SHANK2: variants seen among roughly 807,000 people sequenced by gnomAD.
The protein encoded by SHANK2 is SH3 and multiple ankyrin repeat domains 2.
In SHANK2, 43 loss-of-function variants were observed where a neutral mutation model predicts 133.7. The observed-to-expected ratio is 0.32, with a 90% CI of 0.25 to 0.41. The LOEUF (loss-of-function observed/expected upper bound fraction) is 0.41, where lower values mean the gene tolerates loss of function less well. Ranked by LOEUF, SHANK2 falls within the 10% of genes least tolerant of loss-of-function variation. The pLI, the probability that SHANK2 is intolerant of heterozygous loss-of-function variation, is 1.00. For synonymous variants in SHANK2, 1,017 were observed against 952.8 expected (o/e 1.07, Z -1.24); for missense variants, 1,994 against 2,235.8 (o/e 0.89, Z 2.18).
chr11:70,494,286 C>A (rs531194819), intron 21 of SHANK2, among the ~76,000 whole-genome samples: 2 of 152,194 alleles, frequency 1.3e-5, no homozygotes, highest in South Asian at 4.1e-4. Flanking sequence ...CTGCCCCCAC[C>A]GGGCCAGAAC....
rs970715811 is a variant in SHANK2 at position 71,074,172 on chromosome 11, C to A, written c.1029+987G>T. On this transcript the variant is annotated intron_variant, in intron 9 of 25. Transcript: ENST00000601538. ...AGCAGGTGAGGATGACCTGAGATGCCCCCTGCAAGGCCTTCCCGGTGCCCC... is the reference window on the plus strand; with the variant it reads ...AGCAGGTGAGGATGACCTGAGATGCACCCTGCAAGGCCTTCCCGGTGCCCC... Among the ~76,000 whole-genome samples, 8 of 152,252 alleles carry A rather than the reference C, an allele frequency of 5.3e-5. No homozygotes were observed. The East Asian group carries it at 1.5e-3, about 29-fold the overall frequency.
intron 10 of SHANK2, among the ~76,000 whole-genome samples, chr11:70,913,807 G>T (rs1444295940): frequency 6.6e-6 from 1 of 152,158 alleles, no homozygotes; most frequent in Non-Finnish European, 1.5e-5. Flanking sequence ...TGGTGTCATT[G>T]CCGGATGGCC....
At position 71,094,871 on chromosome 11, in the gene SHANK2, C is replaced by T. The variant is rs376720755; in HGVS notation, c.593-183G>A. On this transcript the variant is annotated intron_variant, in intron 6 of 25. Coordinates refer to ENST00000601538, the MANE Select transcript of SHANK2 (RefSeq NM_012309.5). ...GCGGGCAGCGTGGCTCAGGCACCCC[C>T]GTGCGATGCAGTGACACGCAGGGCC... Among the ~76,000 whole-genome samples the T allele has an allele frequency of 7.2e-5, 11 of 152,250 alleles. No individual in the cohort carries two copies. In the South Asian group the frequency reaches 8.3e-4, roughly 11 times the overall value.
chr11:71,070,090 G>T (rs1418791369), intron 9 of SHANK2, among the ~76,000 whole-genome samples: 4 of 152,176 alleles, frequency 2.6e-5, no homozygotes, highest in African/African-American at 9.7e-5. Context: ...CAGGACAAAG[G>T]TAGGGGTTCT....
chr11:70,881,598 A>ATAATAG (rs1192299238), intron 11 of SHANK2, among the ~76,000 whole-genome samples: 10 of 148,460 alleles, frequency 6.7e-5, no homozygotes, highest in African/African-American at 2.5e-4. Flanking sequence ...AATAATAATA[A>ATAATAG]TAGTAAACTC....
At chr11:70,909,515 A>T (rs1325596962) in intron 10 of SHANK2, among the ~76,000 whole-genome samples, 6 of 152,046 alleles carry the variant, frequency 3.9e-5, no homozygotes, top group African/African-American at 1.4e-4. Flanking sequence ...TCTAAATTCC[A>T]CCCTCACGGC....
chr11:71,176,670 AAAT>A (rs1217522702), intron 2 of SHANK2, among the ~76,000 whole-genome samples: 2 of 152,200 alleles, frequency 1.3e-5, no homozygotes, highest in Non-Finnish European at 1.5e-5. Context: ...CACACAAAGA[AAAT>A]AATAATAACA....
chr11:70,795,685 T>C (rs1345248313), intron 14 of SHANK2, among the ~76,000 whole-genome samples: 3 of 152,054 alleles, frequency 2.0e-5, no homozygotes, highest in African/African-American at 7.2e-5. Flanking sequence ...GGATTACAGG[T>C]GTGAGTCACT....
intron 12 of SHANK2, among the ~76,000 whole-genome samples, chr11:70,815,420 C>T (rs1006999352): frequency 1.3e-5 from 2 of 152,098 alleles, no homozygotes; most frequent in East Asian, 1.9e-4. Flanking sequence ...GGGGCTTGTG[C>T]AGTGATGGGC....
At chr11:71,139,306 T>G (rs1467043071) in intron 3 of SHANK2, among the ~76,000 whole-genome samples, 5 of 147,484 alleles carry the variant, frequency 3.4e-5, no homozygotes, top group African/African-American at 1.3e-4. Context: ...CCCCGTTCTA[T>G]TTTCTTCTCT....
At chr11:70,821,123 G>A (rs1200464976) in intron 11 of SHANK2, among the ~76,000 whole-genome samples, 2 of 152,176 alleles carry the variant, frequency 1.3e-5, no homozygotes, top group South Asian at 2.1e-4. Context: ...CCCCAAGTTC[G>A]TGTGTTGACG....
At chr11:70,848,332 G>T (rs548528117) in intron 11 of SHANK2, among the ~76,000 whole-genome samples, 1 of 152,222 alleles carries the variant, frequency 6.6e-6, no homozygotes, top group East Asian at 1.9e-4. Flanking sequence ...TTGTGGGGTG[G>T]GGGGTTTGAA....
intron 17 of SHANK2, among the ~76,000 whole-genome samples, chr11:70,533,436 C>A (rs537613603): frequency 1.6e-4 from 25 of 152,124 alleles, no homozygotes; most frequent in African/African-American, 6.0e-4. Context: ...TACAGAGACT[C>A]CTAGGTGCAA....
At chr11:70,496,761 C>T (rs1292161128) in intron 21 of SHANK2, among the ~76,000 whole-genome samples, 8 of 150,434 alleles carry the variant, frequency 5.3e-5, no homozygotes, top group African/African-American at 2.0e-4. Context: ...GATGGGCTGC[C>T]CAGCCCTGGG....
chr11:71,233,089 G>A (rs1954770572), intron 1 of SHANK2, among the ~76,000 whole-genome samples: 1 of 151,864 alleles, frequency 6.6e-6, no homozygotes, highest in Admixed American at 6.6e-5. Flanking sequence ...AGGTGGGAGG[G>A]TGGCTTGAGC....
chr11:70,923,183 G>T (rs1465533183), intron 10 of SHANK2, among the ~76,000 whole-genome samples: 3 of 152,124 alleles, frequency 2.0e-5, no homozygotes, highest in Admixed American at 2.0e-4. Context: ...AATAGATGAT[G>T]GGTCCCCACT....
intron 14 of SHANK2, among the ~76,000 whole-genome samples, chr11:70,726,439 C>A (rs1025036557): frequency 5.4e-4 from 63 of 116,218 alleles, no homozygotes; most frequent in African/African-American, 2.0e-3. Context: ...GATGTGGGGT[C>A]TTTGCCCTGA....
rs185455663 is a variant in SHANK2 at position 70,501,310 on chromosome 11, G to A, written c.2287+613C>T. 3.7e-4 allele frequency among the ~76,000 whole-genome samples: 56 copies of A among 152,268 alleles called. No homozygotes were observed. The East Asian group carries it at 0.01, about 28-fold the overall frequency. ...ACTGCTGTGGCAGCACTTAGCACTT[G>A]CTAGACTCCTCTCGGGAAAGCTGCC... On this transcript the variant is annotated intron_variant, in intron 20 of 25. Coordinates refer to ENST00000601538, the MANE Select transcript of SHANK2 (RefSeq NM_012309.5).
chr11:70,755,822 T>TCC (rs1565294740), intron 14 of SHANK2, among the ~76,000 whole-genome samples: 1 of 152,196 alleles, frequency 6.6e-6, no homozygotes, highest in Non-Finnish European at 1.5e-5. Context: ...CGGAGGGGCC[T>TCC]CCCAGTGCTG....
Sources: gnomAD v4.1 joint callset for allele counts (sites outside exome capture counted in the v4.1 genomes callset) on GRCh38, gnomAD v4.1.1 for gene constraint, MANE v1.5 for transcripts, NCBI Gene and HGNC (gene_info 2026-07-23, HGNC 2026-07-21) for gene names.